The following MET variants were observed in gnomAD, a reference collection of about 807,000 sequenced individuals.
MET encodes MET proto-oncogene, receptor tyrosine kinase.
A neutral mutation model predicts 133.1 loss-of-function variants in MET; 48 were observed. That is an observed-to-expected ratio of 0.36 (90% CI 0.29 to 0.46). The LOEUF (loss-of-function observed/expected upper bound fraction) is 0.46, where lower values mean the gene tolerates loss of function less well. MET is among the 20% of genes least tolerant of loss of function. MET has a pLI of 1.00. For missense variants in MET, 1,442 were observed against 1,695.9 expected, an observed-to-expected ratio of 0.85 and a Z score of 2.63; for synonymous variants, 628 against 616.5, an observed-to-expected ratio of 1.02 and a Z score of -0.28.
chr7:116,731,922 C>T (rs773882064), intron 3 of MET, 63 bp downstream of exon 3: 34 of 1,555,608 alleles, frequency 2.2e-5, no homozygotes, highest in African/African-American at 6.8e-5. Context: ...AATTTGTTTT[C>T]GTTTTTGCAG....
rs1792465460 is a variant in MET, at chr7:116,721,059, T to G, written c.1201-10609T>G. Among the ~76,000 whole-genome samples, 6 of 152,156 alleles carry G rather than the reference T, an allele frequency of 3.9e-5. No individual in the cohort carries two copies. In the South Asian group the frequency reaches 1.2e-3, roughly 32 times the overall value. The stretch of plus-strand genomic sequence containing the variant: ...TTGATTGGAATAGTTTCAGAAGGAA[T>G]GGTACCAGTTCCTCCTTGCACCTCT... On this transcript the variant is annotated intron_variant, in intron 2 of 20. Coordinates refer to ENST00000397752, the MANE Select transcript of MET (RefSeq NM_000245.4).
intron 1 of MET, among the ~76,000 whole-genome samples, chr7:116,687,731 G>T (rs1320690274): frequency 6.6e-6 from 1 of 152,152 alleles, no homozygotes; most frequent in East Asian, 1.9e-4. Flanking sequence ...AAATTTCTCA[G>T]GTGTGAGCAA....
chr7:116,715,574 T>C (rs1207523555), intron 2 of MET, among the ~76,000 whole-genome samples: 2 of 152,012 alleles, frequency 1.3e-5, no homozygotes, highest in African/African-American at 2.4e-5. Flanking sequence ...CAGGTGGACA[T>C]GAATTTTGGG....
intron 11 of MET, among the ~76,000 whole-genome samples, chr7:116,768,987 C>T (rs899860623): frequency 6.6e-6 from 1 of 152,072 alleles, no homozygotes; most frequent in African/African-American, 2.4e-5. Context: ...GAATTGTGCT[C>T]TCAAATTATA....
intron 11 of MET, 73 bp downstream of exon 11, chr7:116,763,341 A>G: frequency 7.4e-7 from 1 of 1,347,116 alleles, no homozygotes; most frequent in East Asian, 2.4e-5. Context: ...TGTGAATACA[A>G]TTGTTGTACT....
At chr7:116,705,549 T>C (rs1403864326) in intron 2 of MET, among the ~76,000 whole-genome samples, 1 of 152,108 alleles carries the variant, frequency 6.6e-6, no homozygotes, top group Non-Finnish European at 1.5e-5. Flanking sequence ...ATATGAAAAA[T>C]GTTGTTAAGG....
At chr7:116,769,338 G>A (rs780616626) in intron 11 of MET, among the ~76,000 whole-genome samples, 17 of 152,164 alleles carry the variant, frequency 1.1e-4, no homozygotes, top group Non-Finnish European at 2.2e-4. Context: ...TGAGGACAAT[G>A]GTGAGGTGAT....
At chr7:116,754,889 AAGAG>A (rs1208004319) in intron 5 of MET, among the ~76,000 whole-genome samples, 84 of 108,940 alleles carry the variant, frequency 7.7e-4, no homozygotes, top group South Asian at 4.3e-3. Context: ...GAGAGAGAGA[AAGAG>A]AGAAAGAAAG....
chr7:116,744,098 G>A (rs888849165), intron 5 of MET, among the ~76,000 whole-genome samples: 3 of 152,146 alleles, frequency 2.0e-5, no homozygotes, highest in Admixed American at 6.5e-5. Context: ...GCGCAGAAAG[G>A]CTGAAAATTC....
Position 116,677,608 on chromosome 7 carries a change from C to T in MET, c.-15+5031C>T, listed in dbSNP as rs73469173. ...CATACAGCTTACAGTGGCAGAAAGT[C>T]TGCAAGCCAGATTGGGCTCCTGATG... On this transcript the variant is annotated intron_variant, in intron 1 of 20. Coordinates refer to ENST00000397752, the MANE Select transcript of MET (RefSeq NM_000245.4). Among the ~76,000 whole-genome samples the T allele has an allele frequency of 5.2e-3, 800 of 152,386 alleles. 12 individuals carry two copies. The highest frequency in any genetic ancestry group is 0.018 in the African/African-American group (746 of 41,598).
At chr7:116,704,915 A>T (rs943188103) in intron 2 of MET, among the ~76,000 whole-genome samples, 1 of 152,126 alleles carries the variant, frequency 6.6e-6, no homozygotes, top group Non-Finnish European at 1.5e-5. Context: ...GTTTTTAAAT[A>T]TCATTTATAC....
chr7:116,683,715 C>A (rs934469506), intron 1 of MET, among the ~76,000 whole-genome samples: 1 of 152,222 alleles, frequency 6.6e-6, no homozygotes, highest in East Asian at 1.9e-4. Flanking sequence ...ATGGCCAGAT[C>A]TGATGGACAC....
intron 2 of MET, among the ~76,000 whole-genome samples, chr7:116,725,759 T>C (rs1002027875): frequency 1.1e-4 from 16 of 150,980 alleles, no homozygotes; most frequent in Admixed American, 1.1e-3. Flanking sequence ...AATATGTCTT[T>C]ATAAGTATAC....
At chr7:116,691,475 A>T (rs117369473) in intron 1 of MET, among the ~76,000 whole-genome samples, 2,923 of 152,322 alleles carry the variant, frequency 0.019, 42 homozygotes, top group Middle Eastern at 0.085. Flanking sequence ...TTGTTAGCTC[A>T]GGACCTTTTC....
chr7:116,706,310 A>G (rs950211327), intron 2 of MET, among the ~76,000 whole-genome samples: 1 of 152,134 alleles, frequency 6.6e-6, no homozygotes, highest in African/African-American at 2.4e-5. Context: ...GTTGATTTCT[A>G]CACGGAGATT....
In MET at chr7:116,771,832, T is replaced by C. The variant is rs767063578; in HGVS notation, c.2888-17T>C. 6 of 1,613,600 alleles carry C rather than the reference T, an allele frequency of 3.7e-6. No individual in the cohort carries two copies. The Admixed American group carries it at 6.7e-5, about 18-fold the overall frequency. ...ATAGCCGTCTTTAACAAGCTCTTTC[T>C]TTCTCTCTGTTTTAAGATCTGGGCA... is the stretch of plus-strand genomic sequence containing the variant. On this transcript the variant is annotated splice_polypyrimidine_tract_variant and intron_variant, in intron 13 of 20. Transcript: ENST00000397752.
intron 2 of MET, among the ~76,000 whole-genome samples, chr7:116,731,115 A>T (rs1321619225): frequency 6.6e-6 from 1 of 152,196 alleles, no homozygotes; most frequent in East Asian, 1.9e-4. Context: ...CTGAATACAG[A>T]AAGATTATTA....
Position 116,795,649 on chromosome 7 carries a change from T to G in MET, c.3799-6T>G. 6.2e-7 allele frequency: 1 copy of G among 1,613,712 alleles called. No individual in the cohort carries two copies. The highest frequency in any genetic ancestry group is 1.8e-4 in the Middle Eastern group (1 of 5,666). ...ACCTCATCTGTCCTGTTTCTTGTTT[T>G]ACTAGTGGTCCTTTGGCGTGCTCCT... On this transcript the variant is annotated splice_region_variant and splice_polypyrimidine_tract_variant and intron_variant, in intron 19 of 20. Coordinates refer to ENST00000397752, the MANE Select transcript of MET (RefSeq NM_000245.4).
At chr7:116,761,308 A>T (rs1224255852) in intron 10 of MET, among the ~76,000 whole-genome samples, 1 of 152,222 alleles carries the variant, frequency 6.6e-6, no homozygotes, top group Non-Finnish European at 1.5e-5. Flanking sequence ...AGAACTGTAC[A>T]TTAGAATCGG....
Sources: allele counts gnomAD v4.1 joint callset (sites outside exome capture counted in the v4.1 genomes callset), GRCh38; gene constraint gnomAD v4.1.1; transcripts MANE v1.5; gene names NCBI Gene and HGNC (gene_info 2026-07-23, HGNC 2026-07-21).